Variants in LILRA2 observed in about 807,000 individuals in gnomAD.
LILRA2 encodes the protein leukocyte immunoglobulin-like receptor subfamily A member 2.
In LILRA2, 45 loss-of-function variants were observed where a neutral mutation model predicts 47.9. The ratio of observed to expected loss-of-function variants is 0.94; its 90% CI spans 0.74 to 1.20. The LOEUF (loss-of-function observed/expected upper bound fraction) is 1.20. LILRA2 is among the 50% of genes most tolerant of loss of function. LILRA2 has a pLI of 0.00. For missense variants in LILRA2, 651 were observed against 598.2 expected (o/e 1.09, Z -0.92); for synonymous variants, 279 against 249.2 (o/e 1.12, Z -1.13).
In LILRA2 at chr19:54,573,851, G is replaced by C; in HGVS notation, c.-28G>C. Reference sequence around the variant, plus strand: ...GCCAGCACTGAGGGCTCATCCATCCGCAGAGCAGGGCAGTGGGAGGAGACG... The same window carrying C: ...GCCAGCACTGAGGGCTCATCCATCCCCAGAGCAGGGCAGTGGGAGGAGACG... On this transcript the variant is annotated 5_prime_UTR_variant, in exon 1 of 8. Transcript: ENST00000391738. 1.2e-6 allele frequency: 1 copy of C among 831,646 alleles called. No individual in the cohort carries two copies. The highest frequency in any genetic ancestry group is 1.6e-6 in the Non-Finnish European group (1 of 615,072). 51.5% of individuals were successfully genotyped at this position (831,646 alleles called of 1,614,324 possible). A position where few individuals can be genotyped will look rare whatever the true frequency, so the allele number is the denominator to read the frequency against.
In LILRA2 at chr19:54,580,186, G is replaced by A. The variant is rs537896508; in HGVS notation, c.1255+4077G>A. On this transcript the variant is annotated intron_variant, in intron 6 of 7. Transcript: ENST00000391738. ...AGAGAGGAAATTCTTGTCTTGTGCC[G>A]GTTTTCTTTTCTTTTTTTTTTTTTT... Among the ~76,000 whole-genome samples, 1,190 of 143,338 alleles carry A rather than the reference G, an allele frequency of 8.3e-3. 18 individuals carry two copies. Among genetic ancestry groups the A allele is most frequent in the African/African-American group, 0.03 (1,118 of 36,658 alleles). The allele number at this position is 143,338 out of a possible 152,430, so 94.0% of individuals were successfully genotyped here.
At chr19:54,587,086 T>C (rs1453093031) in intron 7 of LILRA2, 26 bp downstream of exon 7, 2 of 1,613,120 alleles carry the variant, frequency 1.2e-6, no homozygotes, top group Non-Finnish European at 1.7e-6. Flanking sequence ...CTCTCAGTTA[T>C]GGGACTGGCA....
intron 6 of LILRA2, among the ~76,000 whole-genome samples, chr19:54,583,162 T>C (rs186703849): frequency 1.3e-5 from 2 of 152,258 alleles, no homozygotes; most frequent in African/African-American, 4.8e-5. Context: ...TGATTTCTGT[T>C]CTTTTACATT....
In LILRA2 at chr19:54,587,308, C is replaced by T. The variant is rs139318172; in HGVS notation, c.1414C>T (p.His472Tyr). Residue 472 changes from histidine (H) to tyrosine (Y), a missense_variant, in exon 8 of 8, where the codon CAC (histidine) becomes TAC (tyrosine). Coordinates refer to ENST00000391738, the MANE Select transcript of LILRA2 (RefSeq NM_001130917.3). ...VLGILLFEAQ[H>Y]SQRSLQDAAG... Reference sequence around the variant, plus strand: ...CGGGATTCTGCTATTTGAGGCTCAGCACAGCCAGAGAAGCCTACAAGATGC... The same window carrying T: ...CGGGATTCTGCTATTTGAGGCTCAGTACAGCCAGAGAAGCCTACAAGATGC... 2,959 of 1,614,152 alleles carry T rather than the reference C, an allele frequency of 1.8e-3. 6 individuals carry two copies. Among genetic ancestry groups the T allele is most frequent in the Non-Finnish European group, 2.3e-3 (2,717 of 1,180,026 alleles).
intron 6 of LILRA2, among the ~76,000 whole-genome samples, chr19:54,576,859 A>T (rs1451980073): frequency 6.6e-6 from 1 of 152,270 alleles, no homozygotes; most frequent in Non-Finnish European, 1.5e-5. Flanking sequence ...TGGGAGGTGG[A>T]ACTTCTGAAA....
intron 6 of LILRA2, among the ~76,000 whole-genome samples, chr19:54,582,772 C>G (rs376261489): frequency 2.0e-5 from 3 of 152,050 alleles, no homozygotes; most frequent in African/African-American, 7.2e-5. Flanking sequence ...GTGTCTCTAT[C>G]TCCTTCAGTT....
rs1300563630 is a variant in LILRA2 at position 54,589,768 on chromosome 19, A to AGGT, written c.*2422_*2423insGGT. 6 of 151,970 alleles carry AGGT rather than the reference A, an allele frequency of 3.9e-5. No homozygotes were observed. The South Asian group carries it at 1.3e-3, about 33-fold the overall frequency. 9.4% of individuals were successfully genotyped at this position (151,970 alleles called of 1,614,324 possible). The stretch of plus-strand genomic sequence containing the variant: ...CTGTGGTTCTCTGGTGAGCCCCATC[A>AGGT]TGCTGTCCTAGAAGATCCACTTAGA... On this transcript the variant is annotated 3_prime_UTR_variant, in exon 8 of 8. Coordinates refer to ENST00000391738, the MANE Select transcript of LILRA2 (RefSeq NM_001130917.3).
intron 6 of LILRA2, chr19:54,577,660 C>T (rs912748346): frequency 7.8e-7 from 1 of 1,289,434 alleles, no homozygotes; most frequent in Non-Finnish European, 1.0e-6. Flanking sequence ...ACCTGGAGGC[C>T]TCTGTGCTCA....
chr19:54,581,889 C>T (rs535437277), intron 6 of LILRA2, among the ~76,000 whole-genome samples: 1 of 152,268 alleles, frequency 6.6e-6, no homozygotes, highest in East Asian at 1.9e-4. Context: ...TTTGCCCATT[C>T]AGTATGATAT....
At chr19:54,577,715 A>G (rs1455658784) in intron 6 of LILRA2, 2 of 1,258,304 alleles carry the variant, frequency 1.6e-6, no homozygotes, top group Non-Finnish European at 2.1e-6. Flanking sequence ...TGCTCCCTGG[A>G]CAAGTCAGGC....
chr19:54,587,096 A>C (rs772951904), intron 7 of LILRA2, 36 bp downstream of exon 7: 1 of 1,612,518 alleles, frequency 6.2e-7, no homozygotes, highest in South Asian at 1.1e-5. Flanking sequence ...TGGGACTGGC[A>C]CAGAGGGTCA....
upstream of LILRA2, chr19:54,573,481 AG>A: frequency 9.2e-7 from 1 of 1,088,384 alleles, no homozygotes. Context: ...TGAAGGAGGG[AG>A]GGAGACCCCA....
chr19:54,576,563 G>T (rs184176499), intron 6 of LILRA2, among the ~76,000 whole-genome samples: 2 of 152,032 alleles, frequency 1.3e-5, no homozygotes, highest in African/African-American at 2.4e-5. Flanking sequence ...GGGCAGCAGC[G>T]GGGAGGGTGG....
At chr19:54,582,515 T>C (rs914452558) in intron 6 of LILRA2, among the ~76,000 whole-genome samples, 1 of 152,210 alleles carries the variant, frequency 6.6e-6, no homozygotes, top group Non-Finnish European at 1.5e-5. Context: ...AGGGTGTATG[T>C]GTCCAGGAAT....
chr19:54,577,547 G>T (rs142934671), intron 6 of LILRA2: 8 of 1,289,720 alleles, frequency 6.2e-6, no homozygotes, highest in Non-Finnish European at 8.1e-6. Context: ...CTTGGGCCTC[G>T]GTGGGATCTG....
At chr19:54,583,438 T>C (rs577279335) in intron 6 of LILRA2, among the ~76,000 whole-genome samples, 1 of 152,238 alleles carries the variant, frequency 6.6e-6, no homozygotes, top group South Asian at 2.1e-4. Flanking sequence ...AAGGACTTGG[T>C]TTTTGAATCT....
rs2062842182 is a variant in LILRA2 at position 54,587,261 on chromosome 19, C to G, written c.1367C>G (p.Ala456Gly). Residue 456 changes from alanine (A) to glycine (G), a missense_variant, in exon 8 of 8, where the codon GCT (alanine) becomes GGT (glycine). Ala to Gly is a moderately conservative substitution (Grantham distance 60). Transcript: ENST00000391738. Reference protein sequence around the residue: ...TVENLIRMGVAGLVLVVLGIL... With the variant: ...TVENLIRMGVGGLVLVVLGIL... ...GAGAATCTCATCCGCATGGGTGTGG[C>G]TGGCTTGGTCCTGGTGGTCCTCGGG... 2 of 1,614,040 alleles carry G rather than the reference C, an allele frequency of 1.2e-6. No homozygotes were observed. Among genetic ancestry groups the G allele is most frequent in the Admixed American group, 3.3e-5 (2 of 59,996 alleles).
At chr19:54,581,721 G>T (rs12984280) in intron 6 of LILRA2, among the ~76,000 whole-genome samples, 1 of 150,966 alleles carries the variant, frequency 6.6e-6, no homozygotes, top group Non-Finnish European at 1.5e-5. Context: ...AATCAATATC[G>T]TGAAAATGGC....
At chr19:54,578,206 T>A (rs972646167) in intron 6 of LILRA2, among the ~76,000 whole-genome samples, 6 of 152,072 alleles carry the variant, frequency 3.9e-5, no homozygotes, top group African/African-American at 1.4e-4. Context: ...GGTATACAGG[T>A]GCCATGTTGG....
Sources: gnomAD v4.1 joint callset for allele counts (sites outside exome capture counted in the v4.1 genomes callset) on GRCh38, gnomAD v4.1.1 for gene constraint, MANE v1.5 for transcripts, NCBI Gene and HGNC (gene_info 2026-07-23, HGNC 2026-07-21) for gene names.